PAPPA2: variants seen among roughly 807,000 people sequenced by gnomAD.
The protein encoded by PAPPA2 is pappalysin 2, also known as pappalysin-2.
PAPPA2 carries 86 observed loss-of-function variants against 176.4 expected under a neutral mutation model. That is an observed-to-expected ratio of 0.49 (90% CI 0.41 to 0.58). The LOEUF is 0.58. PAPPA2 is among the 20% of genes least tolerant of loss of function. The pLI is 0.00. For synonymous variants in PAPPA2, 809 were observed against 852.2 expected (o/e 0.95, Z 0.88); for missense variants, 2,073 against 2,256.9 (o/e 0.92, Z 1.65).
chr1:176,608,515 A>C (rs1307735364), intron 3 of PAPPA2, among the ~76,000 whole-genome samples: 1 of 152,100 alleles, frequency 6.6e-6, no homozygotes, highest in Admixed American at 6.6e-5. Context: ...CTCAGGGAAA[A>C]TTTTCCCCGT....
chr1:176,675,959 G>C (rs574889232), intron 4 of PAPPA2, among the ~76,000 whole-genome samples: 1 of 152,092 alleles, frequency 6.6e-6, no homozygotes, highest in South Asian at 2.1e-4. Flanking sequence ...TATACAGATG[G>C]AAAATAAATC....
At chr1:176,738,426 G>C (rs1173107399) in intron 12 of PAPPA2, among the ~76,000 whole-genome samples, 23 of 152,046 alleles carry the variant, frequency 1.5e-4, no homozygotes, top group Non-Finnish European at 4.4e-5. Context: ...CAAGGCTCAG[G>C]AAAAATGAGT....
chr1:176,810,236 G>C (rs1666090100), intron 21 of PAPPA2, among the ~76,000 whole-genome samples: 1 of 152,126 alleles, frequency 6.6e-6, no homozygotes, highest in Non-Finnish European at 1.5e-5. Context: ...ACAGAATTCA[G>C]GCAGGCAGTT....
intron 2 of PAPPA2, among the ~76,000 whole-genome samples, chr1:176,592,844 C>T (rs1399853263): frequency 6.6e-6 from 1 of 152,192 alleles, no homozygotes; most frequent in Non-Finnish European, 1.5e-5. Flanking sequence ...CTACTTACTG[C>T]TTATTAAAAT....
rs530216356 is a variant in PAPPA2, at chr1:176,845,538, A to C, written c.*3084A>C. 6.6e-6 allele frequency: 1 copy of C among 152,344 alleles called. No homozygotes were observed. Among genetic ancestry groups the C allele is most frequent in the South Asian group, 2.1e-4 (1 of 4,826 alleles). The allele number at this position is 152,344 out of a possible 1,614,324, so 9.4% of individuals were successfully genotyped here. On this transcript the variant is annotated 3_prime_UTR_variant, in exon 23 of 23. Coordinates refer to ENST00000367662, the MANE Select transcript of PAPPA2 (RefSeq NM_020318.3). ...CTGATCTACTGTATTGTAATGTAAA[A>C]CAGCTACAGCCAGTTATTTTGTAAG...
intron 3 of PAPPA2, among the ~76,000 whole-genome samples, chr1:176,641,267 G>A (rs2102727702): frequency 6.6e-6 from 1 of 152,216 alleles, no homozygotes; most frequent in East Asian, 1.9e-4. Context: ...TTCTTGCCAT[G>A]CCTATGTCCT....
intron 4 of PAPPA2, among the ~76,000 whole-genome samples, chr1:176,682,313 A>G (rs1659623541): frequency 6.6e-6 from 1 of 152,172 alleles, no homozygotes; most frequent in African/African-American, 2.4e-5. Flanking sequence ...TGAAGGCATA[A>G]AGCACTAGTG....
intron 4 of PAPPA2, among the ~76,000 whole-genome samples, chr1:176,680,533 A>G (rs1179864297): frequency 1.2e-4 from 19 of 152,252 alleles, no homozygotes; most frequent in Admixed American, 1.2e-3. Context: ...ATACAAAAAC[A>G]TTCTGTATAA....
chr1:176,616,664 A>C (rs753088460), intron 3 of PAPPA2: 1 of 1,559,356 alleles, frequency 6.4e-7, no homozygotes, highest in South Asian at 1.1e-5. Flanking sequence ...CTATTGTGGT[A>C]GCTCCATACT....
intron 21 of PAPPA2, among the ~76,000 whole-genome samples, chr1:176,809,034 G>A (rs531896006): frequency 6.6e-6 from 1 of 152,054 alleles, no homozygotes; most frequent in Non-Finnish European, 1.5e-5. Flanking sequence ...CTTTATACAA[G>A]GTTATAAAGG....
intron 1 of PAPPA2, among the ~76,000 whole-genome samples, chr1:176,505,508 A>G (rs1299400935): frequency 1.3e-5 from 2 of 152,092 alleles, no homozygotes; most frequent in African/African-American, 2.4e-5. Context: ...TTGCCTGGAG[A>G]CACTTTCCAC....
chr1:176,587,125 G>C (rs1310552031), intron 2 of PAPPA2, among the ~76,000 whole-genome samples: 2 of 151,620 alleles, frequency 1.3e-5, no homozygotes, highest in African/African-American at 2.4e-5. Flanking sequence ...CCCACTTTTT[G>C]ATGGGTTGTT....
At chr1:176,729,116 T>C (rs1046934041) in intron 12 of PAPPA2, among the ~76,000 whole-genome samples, 2 of 152,040 alleles carry the variant, frequency 1.3e-5, no homozygotes, top group African/African-American at 4.8e-5. Flanking sequence ...ATTAGTTTTA[T>C]ACTTTTGCCT....
At chr1:176,725,123 T>C (rs970040125) in intron 12 of PAPPA2, among the ~76,000 whole-genome samples, 1 of 152,222 alleles carries the variant, frequency 6.6e-6, no homozygotes, top group Non-Finnish European at 1.5e-5. Context: ...CCATAGTCAA[T>C]ATGTAAATGA....
intron 14 of PAPPA2, among the ~76,000 whole-genome samples, chr1:176,741,315 A>G (rs2102875400): frequency 6.6e-6 from 1 of 152,228 alleles, no homozygotes; most frequent in South Asian, 2.1e-4. Context: ...ATCAGGCCTC[A>G]GAAGATCCAC....
rs186320032 is a variant in PAPPA2 at position 176,628,878 on chromosome 1, A to G, written c.1991+33283A>G. ...TTTCTGGTTCTGCTCTTCACAAGAT[A>G]TATTGCATTTGACAGTTCTTTCATG... On this transcript the variant is annotated intron_variant, in intron 3 of 22. Coordinates refer to ENST00000367662, the MANE Select transcript of PAPPA2 (RefSeq NM_020318.3). Among the ~76,000 whole-genome samples, 30 of 152,350 alleles carry G rather than the reference A, an allele frequency of 2.0e-4. 1 individual carries two copies. Among genetic ancestry groups the G allele is most frequent in the Admixed American group, 4.6e-4 (7 of 15,298 alleles).
At chr1:176,668,799 C>T (rs573683283) in intron 3 of PAPPA2, among the ~76,000 whole-genome samples, 1 of 152,112 alleles carries the variant, frequency 6.6e-6, no homozygotes, top group African/African-American at 2.4e-5. Flanking sequence ...TACTTGACGA[C>T]ATATATCTGT....
chr1:176,609,490 G>A (rs1056291733), intron 3 of PAPPA2, among the ~76,000 whole-genome samples: 1 of 152,176 alleles, frequency 6.6e-6, no homozygotes, highest in African/African-American at 2.4e-5. Context: ...CCATGGAAGC[G>A]AAGTGTATCC....
At chr1:176,554,876 CTTTGT>C (rs1298278258) in intron 1 of PAPPA2, among the ~76,000 whole-genome samples, 1 of 151,948 alleles carries the variant, frequency 6.6e-6, no homozygotes, top group Non-Finnish European at 1.5e-5. Flanking sequence ...AGAAAAAATA[CTTTGT>C]TTTGTTTGTG....
Sources: gnomAD v4.1 joint callset for allele counts (sites outside exome capture counted in the v4.1 genomes callset) on GRCh38, gnomAD v4.1.1 for gene constraint, MANE v1.5 for transcripts, NCBI Gene and HGNC (gene_info 2026-07-23, HGNC 2026-07-21) for gene names.